ZNF451: variants seen among roughly 807,000 people sequenced by gnomAD.
ZNF451 encodes zinc finger protein 451.
ZNF451 carries 80 observed loss-of-function variants against 107.1 expected under a neutral mutation model. The observed-to-expected ratio is 0.75, with a 90% CI of 0.62 to 0.90. The LOEUF is 0.90. Ranked by LOEUF, ZNF451 falls within the 40% of genes least tolerant of loss-of-function variation. The probability of loss-of-function intolerance (pLI) is 0.00; values close to 1 mark genes in which losing one functional copy is unlikely to be tolerated. For missense variants in ZNF451, 1,107 were observed against 1,236.2 expected (o/e 0.90, Z 1.57); for synonymous variants, 362 against 406.5 (o/e 0.89, Z 1.32).
At chr6:57,095,295 G>C (rs1160965123) in intron 2 of ZNF451, among the ~76,000 whole-genome samples, 1 of 102,410 alleles carries the variant, frequency 9.8e-6, no homozygotes, top group Non-Finnish European at 2.2e-5. Context: ...AATGACTTCT[G>C]TTTTTTCTCA....
At chr6:57,159,337 T>A (rs1763566175) in intron 13 of ZNF451, 1 of 985,288 alleles carries the variant, frequency 1.0e-6, no homozygotes, top group Admixed American at 6.1e-5. Context: ...TTGGATGAGT[T>A]ATAACATGCT....
intron 2 of ZNF451, among the ~76,000 whole-genome samples, chr6:57,092,150 C>T (rs576252745): frequency 2.0e-5 from 3 of 152,142 alleles, no homozygotes; most frequent in South Asian, 4.1e-4. Context: ...GAATTTTTTT[C>T]TTATGGTGTT....
At position 57,119,707 on chromosome 6, in the gene ZNF451, G is replaced by A. The variant is rs1300135647; in HGVS notation, c.187-5027G>A. Among the ~76,000 whole-genome samples, 5 of 152,020 alleles carry A rather than the reference G, an allele frequency of 3.3e-5. No homozygotes were observed. In the East Asian group the frequency reaches 9.6e-4, roughly 29 times the overall value. The stretch of plus-strand genomic sequence containing the variant: ...CACTATCCTCATTGGAAACTACAGG[G>A]TACATTTGTTTCAATCTGTGAACCT... On this transcript the variant is annotated intron_variant, in intron 3 of 14. Transcript: ENST00000370706.
intron 4 of ZNF451, among the ~76,000 whole-genome samples, chr6:57,127,630 GA>G (rs1411776104): frequency 1.3e-5 from 2 of 152,128 alleles, no homozygotes; most frequent in Non-Finnish European, 2.9e-5. Context: ...ATGAATTCTA[GA>G]ATCAGATTGC....
At chr6:57,091,809 G>T (rs1226159701) in intron 2 of ZNF451, among the ~76,000 whole-genome samples, 1 of 152,208 alleles carries the variant, frequency 6.6e-6, no homozygotes, top group Non-Finnish European at 1.5e-5. Flanking sequence ...ATTTATGGTG[G>T]ATGCTGGGAA....
chr6:57,157,324 T>C (rs1041502274), intron 13 of ZNF451, among the ~76,000 whole-genome samples: 1 of 152,234 alleles, frequency 6.6e-6, no homozygotes, highest in African/African-American at 2.4e-5. Flanking sequence ...TAGTCTTTGC[T>C]AATTTCTCTG....
At chr6:57,154,200 AT>A (rs1216021453) in intron 13 of ZNF451, 153 bp downstream of exon 13, 11 of 738,322 alleles carry the variant, frequency 1.5e-5, no homozygotes, top group Non-Finnish European at 2.2e-5. Context: ...TTTTAAAAAA[AT>A]CTCACTTTCA....
At chr6:57,154,674 T>C (rs1369930982) in intron 13 of ZNF451, 1 of 152,422 alleles carries the variant, frequency 6.6e-6, no homozygotes, top group Non-Finnish European at 1.5e-5. Flanking sequence ...TTTTCATAAT[T>C]TCTGCAGTCA....
At position 57,124,850 on chromosome 6, in the gene ZNF451, A is replaced by C; in HGVS notation, c.303A>C (p.Arg101Ser). The change falls in exon 4 of 15, where the codon AGA (arginine) becomes AGC (serine). Residue 101 changes from arginine to serine, a missense_variant. This residue lies in a region of ZNF451 where 339 missense variants were observed against 372.8 expected (regional missense o/e 0.91). Transcript: ENST00000370706. ...VEKQQKEEKN[R>S]AFREKIDFQH... ...AACAGCAGAAAGAAGAGAAGAATAG[A>C]GCATTCAGAGTATGTGCTATTTTAA... The C allele has an allele frequency of 6.2e-7, 1 of 1,600,666 alleles. No homozygotes were observed. The highest frequency in any genetic ancestry group is 8.5e-7 in the Non-Finnish European group (1 of 1,173,038).
intron 14 of ZNF451, among the ~76,000 whole-genome samples, chr6:57,164,036 A>C (rs552488261): frequency 6.6e-6 from 1 of 152,334 alleles, no homozygotes; most frequent in East Asian, 1.9e-4. Context: ...AAATCTGCTT[A>C]TGGCTTTTTG....
At chr6:57,097,047 G>C (rs1217782620) in intron 2 of ZNF451, among the ~76,000 whole-genome samples, 1 of 152,050 alleles carries the variant, frequency 6.6e-6, no homozygotes, top group Admixed American at 6.6e-5. Context: ...TGGAATTACA[G>C]GTGTGAGCCA....
intron 12 of ZNF451, among the ~76,000 whole-genome samples, chr6:57,152,681 C>T (rs1832406214): frequency 6.6e-6 from 1 of 152,156 alleles, no homozygotes; most frequent in Non-Finnish European, 1.5e-5. Context: ...GCAACCTCAG[C>T]CCCCTGGGCT....
chr6:57,149,361 G>A (rs1250069607), intron 10 of ZNF451, among the ~76,000 whole-genome samples: 1 of 152,068 alleles, frequency 6.6e-6, no homozygotes, highest in East Asian at 1.9e-4. Flanking sequence ...GTTTTGTTTA[G>A]AAGTATAATT....
In ZNF451 at chr6:57,147,990, A is replaced by G. The variant is rs759543287; in HGVS notation, c.1905A>G (p.Arg635=). 8 of 1,614,162 alleles carry G rather than the reference A, an allele frequency of 5.0e-6. No individual in the cohort carries two copies. The highest frequency in any genetic ancestry group is 3.3e-5 in the South Asian group (3 of 91,084). The change falls in exon 10 of 15, where the codon AGA becomes AGG. Residue 635 remains arginine (R), a synonymous_variant. Transcript: ENST00000370706. ...CMSLASHKFH[R]YSCAHCRKPF... ...CTTTGGCAAGCCACAAGTTTCATAG[A>G]TACAGCTGTGCTCACTGCAGAAAGC...
intron 7 of ZNF451, among the ~76,000 whole-genome samples, chr6:57,138,792 AT>A (rs397973821): frequency 0.1 from 8,098 of 77,516 alleles, 451 homozygotes; most frequent in African/African-American, 0.15. Context: ...TATATATAAA[AT>A]TTTTTTTTTT....
chr6:57,126,071 A>G (rs1830914813), intron 4 of ZNF451, among the ~76,000 whole-genome samples: 2 of 152,162 alleles, frequency 1.3e-5, no homozygotes, highest in African/African-American at 4.8e-5. Context: ...GGCTACATAG[A>G]TAATAAAGTT....
chr6:57,164,910 T>A (rs1763829029), intron 14 of ZNF451: 1 of 152,226 alleles, frequency 6.6e-6, no homozygotes, highest in South Asian at 2.1e-4. Context: ...TATTTTTTCA[T>A]ATGGCTTCAA....
At chr6:57,093,126 G>A (rs940664087) in intron 2 of ZNF451, 2 of 152,040 alleles carry the variant, frequency 1.3e-5, no homozygotes, top group African/African-American at 4.8e-5. Flanking sequence ...CTTTGAAATT[G>A]CAGATTTTTT....
intron 3 of ZNF451, among the ~76,000 whole-genome samples, chr6:57,122,922 C>T (rs1331124813): frequency 6.6e-6 from 1 of 152,146 alleles, no homozygotes; most frequent in Non-Finnish European, 1.5e-5. Flanking sequence ...CACCTGTAAT[C>T]CCAGCATTTT....
Sources: allele counts gnomAD v4.1 joint callset (sites outside exome capture counted in the v4.1 genomes callset), GRCh38; gene constraint gnomAD v4.1.1; regional missense constraint gnomAD v4.1.1; transcripts MANE v1.5; gene names NCBI Gene and HGNC (gene_info 2026-07-23, HGNC 2026-07-21).